ESRRG: variants seen among roughly 807,000 people sequenced by gnomAD.
ESRRG encodes the protein estrogen-related receptor gamma.
A neutral mutation model predicts 44.0 loss-of-function variants in ESRRG; 13 were observed. The observed-to-expected ratio is 0.30, with a 90% confidence interval of 0.19 to 0.47. ESRRG has a LOEUF of 0.47. ESRRG is among the 20% of genes least tolerant of loss of function. The probability of loss-of-function intolerance (pLI) is 1.00; values close to 1 mark genes in which losing one functional copy is unlikely to be tolerated. For synonymous variants in ESRRG, 215 were observed against 214.6 expected, an observed-to-expected ratio of 1.00 and a Z score of -0.02; for missense variants, 395 against 580.6, an observed-to-expected ratio of 0.68 and a Z score of 3.29.
At chr1:216,585,896 C>T (rs2063676868) in intron 3 of ESRRG, among the ~76,000 whole-genome samples, 1 of 151,946 alleles carries the variant, frequency 6.6e-6, no homozygotes, top group Non-Finnish European at 1.5e-5. Context: ...AAAAATTAGC[C>T]AGGCGTGGTT....
chr1:216,784,537 C>A lies in ESRRG; in HGVS notation c.-13-107046G>T, dbSNP rs184707386. ...CTGAGTTTCAATAGAGAAGGAAGTT[C>A]ATAAAACATAACAATTTATTCCAGA... is the stretch of plus-strand genomic sequence containing the variant. On this transcript the variant is annotated intron_variant, in intron 2 of 7. Coordinates refer to the ESRRG transcript ENST00000359162. Among the ~76,000 whole-genome samples the A allele has an allele frequency of 1.0e-3, 153 of 151,966 alleles. 1 individual carries two copies. The highest frequency in any genetic ancestry group is 3.4e-3 in the African/African-American group (140 of 41,478).
At chr1:216,691,830 A>G (rs1433534330) in intron 1 of ESRRG, among the ~76,000 whole-genome samples, 1 of 152,160 alleles carries the variant, frequency 6.6e-6, no homozygotes, top group Non-Finnish European at 1.5e-5. Context: ...ACAACACGTC[A>G]GTCAACAACA....
intron 1 of ESRRG, among the ~76,000 whole-genome samples, chr1:216,708,755 A>G (rs1012779433): frequency 2.0e-5 from 3 of 152,236 alleles, no homozygotes; most frequent in African/African-American, 4.8e-5. Flanking sequence ...TTATAAAGAC[A>G]CATGCACACG....
At chr1:217,012,528 G>A (rs1299370422) in intron 1 of ESRRG, among the ~76,000 whole-genome samples, 1 of 152,112 alleles carries the variant, frequency 6.6e-6, no homozygotes, top group African/African-American at 2.4e-5. Flanking sequence ...GTTACTGATA[G>A]CAAGAAAATG....
intron 3 of ESRRG, among the ~76,000 whole-genome samples, chr1:216,590,235 G>A (rs1354451537): frequency 6.6e-6 from 1 of 151,960 alleles, no homozygotes; most frequent in African/African-American, 2.4e-5. Context: ...CTAGAAAAAT[G>A]TTAGTAGTCT....
chr1:216,696,113 A>C (rs974042782), intron 1 of ESRRG, among the ~76,000 whole-genome samples: 17 of 152,324 alleles, frequency 1.1e-4, no homozygotes, highest in African/African-American at 4.1e-4. Context: ...GATATATGGA[A>C]AGTTTGTTCT....
intron 2 of ESRRG, among the ~76,000 whole-genome samples, chr1:216,770,245 A>T (rs372270787): frequency 2.0e-5 from 3 of 152,196 alleles, no homozygotes; most frequent in African/African-American, 7.2e-5. Flanking sequence ...AGAGGGGAAA[A>T]AAATAGGACT....
chr1:216,746,482 C>T lies in ESRRG; in HGVS notation c.-13-68991G>A, dbSNP rs576006356. Reference sequence around the variant, plus strand: ...ATGACATCCACATAACCGTAAATAACAGAAGTTACCAAAGCTAACTTTTAA... The same window carrying T: ...ATGACATCCACATAACCGTAAATAATAGAAGTTACCAAAGCTAACTTTTAA... On this transcript the variant is annotated intron_variant, in intron 2 of 7. Transcript: ENST00000359162. Among the ~76,000 whole-genome samples the T allele has an allele frequency of 3.3e-5, 5 of 152,260 alleles. No homozygotes were observed. The East Asian group carries it at 9.6e-4, about 29-fold the overall frequency.
chr1:216,702,947 G>C (rs1306595809), intron 1 of ESRRG, among the ~76,000 whole-genome samples: 1 of 152,054 alleles, frequency 6.6e-6, no homozygotes, highest in Non-Finnish European at 1.5e-5. Context: ...GTGCTCAGGA[G>C]GATTCTTGCC....
At chr1:216,860,917 T>C (rs189160166) in intron 2 of ESRRG, among the ~76,000 whole-genome samples, 317 of 152,244 alleles carry the variant, frequency 2.1e-3, no homozygotes, top group African/African-American at 6.9e-3. Context: ...GTGTGGGGTT[T>C]ATAATATATG....
chr1:216,721,886 T>C (rs1294759162), intron 1 of ESRRG, among the ~76,000 whole-genome samples: 1 of 152,188 alleles, frequency 6.6e-6, no homozygotes, highest in African/African-American at 2.4e-5. Flanking sequence ...TTCCCTTGAG[T>C]GTTTCAAACT....
intron 2 of ESRRG, among the ~76,000 whole-genome samples, chr1:216,781,672 A>T (rs2093940872): frequency 6.6e-6 from 1 of 152,072 alleles, no homozygotes; most frequent in African/African-American, 2.4e-5. Flanking sequence ...CCGCCTTTAC[A>T]TGAGCAAATG....
chr1:216,663,093 A>G (rs1000912553), intron 2 of ESRRG, among the ~76,000 whole-genome samples: 1 of 152,208 alleles, frequency 6.6e-6, no homozygotes, highest in African/African-American at 2.4e-5. Flanking sequence ...ATAACTGAGA[A>G]GAACAGATGG....
chr1:217,065,026 C>T (rs889309715), intron 1 of ESRRG, among the ~76,000 whole-genome samples: 1 of 152,136 alleles, frequency 6.6e-6, no homozygotes, highest in African/African-American at 2.4e-5. Flanking sequence ...GACTCAAGTA[C>T]CAGGCTTGGG....
intron 1 of ESRRG, among the ~76,000 whole-genome samples, chr1:217,115,295 G>A (rs1365310196): frequency 6.6e-6 from 1 of 152,158 alleles, no homozygotes; most frequent in Non-Finnish European, 1.5e-5. Context: ...CATGCCATGT[G>A]GCTCCTATGC....
intron 5 of ESRRG, 64 bp downstream of exon 5, chr1:216,564,155 T>G: frequency 9.7e-7 from 1 of 1,033,386 alleles, no homozygotes; most frequent in East Asian, 2.7e-5. Context: ...CACCCAAATC[T>G]ATATACATAA....
At chr1:216,574,932 G>A (rs559833111) in intron 3 of ESRRG, among the ~76,000 whole-genome samples, 1 of 152,154 alleles carries the variant, frequency 6.6e-6, no homozygotes, top group East Asian at 1.9e-4. Flanking sequence ...CTTCCCTTGG[G>A]AAAGAGAAAT....
At chr1:216,534,310 T>C (rs181961869) in intron 5 of ESRRG, among the ~76,000 whole-genome samples, 3 of 152,266 alleles carry the variant, frequency 2.0e-5, no homozygotes, top group Admixed American at 6.5e-5. Context: ...TCCATGAGCA[T>C]TGTATTTAGT....
At chr1:216,635,350 G>A (rs924011033) in intron 3 of ESRRG, among the ~76,000 whole-genome samples, 11 of 152,128 alleles carry the variant, frequency 7.2e-5, no homozygotes, top group Admixed American at 3.3e-4. Flanking sequence ...CCGCAGCTTT[G>A]AACCCAAGTT....
Sources: allele counts gnomAD v4.1 joint callset (sites outside exome capture counted in the v4.1 genomes callset), GRCh38; gene constraint gnomAD v4.1.1; transcripts MANE v1.5; gene names NCBI Gene and HGNC (gene_info 2026-07-23, HGNC 2026-07-21).